The following RBFOX1 variants were observed in gnomAD, a reference collection of about 807,000 sequenced individuals.
RBFOX1 encodes RNA binding protein fox-1 homolog 1.
Under a neutral mutation model 57.7 loss-of-function variants are expected in RBFOX1, and 8 were observed. The observed-to-expected ratio is 0.14, with a 90% CI of 0.08 to 0.25. The LOEUF (loss-of-function observed/expected upper bound fraction) is 0.25. RBFOX1 is among the 10% of genes least tolerant of loss of function. The pLI, the probability that RBFOX1 is intolerant of heterozygous loss-of-function variation, is 1.00. For synonymous variants in RBFOX1, 326 were observed against 222.4 expected, an observed-to-expected ratio of 1.47 and a Z score of -4.15; for missense variants, 611 against 548.5, an observed-to-expected ratio of 1.11 and a Z score of -1.14.
At chr16:5,413,653 T>G (rs2067084335) in intron 1 of RBFOX1, among the ~76,000 whole-genome samples, 1 of 152,200 alleles carries the variant, frequency 6.6e-6, no homozygotes, top group African/African-American at 2.4e-5. Context: ...TACTGAGGAC[T>G]TGCTATGTGT....
intron 3 of RBFOX1, among the ~76,000 whole-genome samples, chr16:6,806,370 A>G (rs1224264916): frequency 6.6e-6 from 1 of 152,176 alleles, no homozygotes; most frequent in East Asian, 1.9e-4. Context: ...TGGAATGAGA[A>G]ACTGGTCTGT....
At chr16:7,087,098 T>C (rs2060109729) in intron 4 of RBFOX1, among the ~76,000 whole-genome samples, 1 of 152,002 alleles carries the variant, frequency 6.6e-6, no homozygotes, top group Non-Finnish European at 1.5e-5. Context: ...GAGTAATGAG[T>C]CTGGGGAGGC....
intron 4 of RBFOX1, among the ~76,000 whole-genome samples, chr16:7,515,097 A>G (rs1446492339): frequency 6.6e-6 from 1 of 152,160 alleles, no homozygotes; most frequent in Non-Finnish European, 1.5e-5. Flanking sequence ...TGCCTCTGGC[A>G]CAGTGAATTT....
At chr16:6,454,343 G>T (rs566282088) in intron 2 of RBFOX1, among the ~76,000 whole-genome samples, 1 of 152,200 alleles carries the variant, frequency 6.6e-6, no homozygotes, top group Non-Finnish European at 1.5e-5. Context: ...AATCTCTTAA[G>T]CCCAGGAGTT....
intron 2 of RBFOX1, among the ~76,000 whole-genome samples, chr16:6,376,437 C>G (rs1192141364): frequency 6.6e-6 from 1 of 152,170 alleles, no homozygotes; most frequent in Non-Finnish European, 1.5e-5. Context: ...GACATGATCC[C>G]TCTGAAGGCA....
intron 3 of RBFOX1, among the ~76,000 whole-genome samples, chr16:6,937,151 T>C (rs959775679): frequency 3.3e-5 from 5 of 152,166 alleles, no homozygotes; most frequent in African/African-American, 1.2e-4. Flanking sequence ...TAAAATGTTA[T>C]CAAAAATGAT....
chr16:7,610,139 T>TTTTTTTTTTTTTTTTTTTGG (rs2057174916), intron 10 of RBFOX1, among the ~76,000 whole-genome samples: 2 of 127,612 alleles, frequency 1.6e-5, no homozygotes, highest in African/African-American at 3.1e-5. Context: ...TTTTTTTTTT[T>TTTTTTTTTTTTTTTTTTTGG]GAGGCAGTTT....
chr16:5,330,182 A>G (rs902434719), intron 1 of RBFOX1, among the ~76,000 whole-genome samples: 1 of 152,124 alleles, frequency 6.6e-6, no homozygotes, highest in African/African-American at 2.4e-5. Flanking sequence ...CAACATACAC[A>G]TTTTGGGGGG....
intron 4 of RBFOX1, among the ~76,000 whole-genome samples, chr16:7,069,188 T>C (rs529580502): frequency 6.6e-6 from 1 of 152,316 alleles, no homozygotes; most frequent in East Asian, 1.9e-4. Context: ...TTAATTTATT[T>C]ATTTTTTAAT....
At chr16:5,728,912 C>G (rs1331728338) in intron 3 of RBFOX1, among the ~76,000 whole-genome samples, 2 of 152,158 alleles carry the variant, frequency 1.3e-5, no homozygotes, top group South Asian at 2.1e-4. Context: ...TTCCCAGAGA[C>G]AATATCACCT....
intron 2 of RBFOX1, among the ~76,000 whole-genome samples, chr16:5,566,132 T>C (rs1339091180): frequency 6.6e-6 from 1 of 152,284 alleles, no homozygotes; most frequent in African/African-American, 2.4e-5. Flanking sequence ...AACCTTTTTT[T>C]CTTTATAATT....
chr16:7,229,507 A>C (rs941573519), intron 4 of RBFOX1, among the ~76,000 whole-genome samples: 30 of 147,308 alleles, frequency 2.0e-4, no homozygotes, highest in African/African-American at 6.2e-4. Context: ...GGAAGGAAGG[A>C]AGGGAAAGGA....
At chr16:7,138,620 A>G (rs1454643303) in intron 4 of RBFOX1, among the ~76,000 whole-genome samples, 1 of 152,142 alleles carries the variant, frequency 6.6e-6, no homozygotes, top group Non-Finnish European at 1.5e-5. Context: ...CCATTATGCA[A>G]AAGATAATAA....
intron 2 of RBFOX1, among the ~76,000 whole-genome samples, chr16:5,488,494 A>T (rs2042715843): frequency 6.7e-6 from 1 of 149,170 alleles, no homozygotes; most frequent in African/African-American, 2.5e-5. Flanking sequence ...ATGATAATGG[A>T]GGATTATAGT....
intron 2 of RBFOX1, among the ~76,000 whole-genome samples, chr16:6,386,480 C>A (rs1270048147): frequency 1.3e-5 from 2 of 152,160 alleles, no homozygotes; most frequent in African/African-American, 4.8e-5. Context: ...AGCTAATTAA[C>A]CCCGATGCTG....
intron 14 of RBFOX1, among the ~76,000 whole-genome samples, chr16:7,700,952 A>G (rs907097532): frequency 6.6e-6 from 1 of 152,152 alleles, no homozygotes; most frequent in African/African-American, 2.4e-5. Flanking sequence ...TGTACGTATT[A>G]TGTATGCATA....
intron 4 of RBFOX1, among the ~76,000 whole-genome samples, chr16:7,160,629 A>C (rs180986743): frequency 6.0e-4 from 92 of 152,212 alleles, no homozygotes; most frequent in Non-Finnish European, 1.0e-3. Context: ...TTTTTTCAGT[A>C]TGATTTACAC....
At chr16:7,381,730 T>G (rs577071970) in intron 4 of RBFOX1, among the ~76,000 whole-genome samples, 8 of 152,336 alleles carry the variant, frequency 5.3e-5, no homozygotes, top group African/African-American at 1.7e-4. Flanking sequence ...GGGCACACTT[T>G]CCCTTAATGG....
intron 1 of RBFOX1, among the ~76,000 whole-genome samples, chr16:5,249,645 CA>C (rs1242465890): frequency 1.3e-5 from 2 of 152,164 alleles, no homozygotes; most frequent in Non-Finnish European, 2.9e-5. Flanking sequence ...ATTAAAAATA[CA>C]AATTATTATT....
Sources: gnomAD v4.1 joint callset for allele counts (sites outside exome capture counted in the v4.1 genomes callset) on GRCh38, gnomAD v4.1.1 for gene constraint, MANE v1.5 for transcripts, NCBI Gene and HGNC (gene_info 2026-07-23, HGNC 2026-07-21) for gene names.